The following CAMK2D variants were observed in gnomAD, a reference collection of about 807,000 sequenced individuals.
CAMK2D encodes the protein calcium/calmodulin dependent protein kinase II delta.
A neutral mutation model predicts 84.0 loss-of-function variants in CAMK2D; 37 were observed. The ratio of observed to expected loss-of-function variants is 0.44; its 90% CI spans 0.34 to 0.58. The LOEUF (loss-of-function observed/expected upper bound fraction) is 0.58, where lower values mean the gene tolerates loss of function less well. Ranked by LOEUF, CAMK2D falls within the 20% of genes least tolerant of loss-of-function variation. CAMK2D has a pLI of 0.02. For synonymous variants in CAMK2D, 202 were observed against 212.5 expected (o/e 0.95, Z 0.43); for missense variants, 448 against 652.5 (o/e 0.69, Z 3.41).
chr4:113,497,093 C>A (rs1489247400), intron 16 of CAMK2D, among the ~76,000 whole-genome samples: 1 of 147,692 alleles, frequency 6.8e-6, no homozygotes, highest in African/African-American at 2.5e-5. Context: ...TTGGGTCTCA[C>A]TTTTTTCCTG....
intron 4 of CAMK2D, among the ~76,000 whole-genome samples, chr4:113,586,051 T>C (rs2098832924): frequency 6.6e-6 from 1 of 152,194 alleles, no homozygotes; most frequent in Non-Finnish European, 1.5e-5. Context: ...AATTTGTTTT[T>C]TGTTTCACTT....
chr4:113,660,793 CTTT>C (rs551244067), intron 3 of CAMK2D, among the ~76,000 whole-genome samples: 7 of 129,458 alleles, frequency 5.4e-5, no homozygotes, highest in Non-Finnish European at 3.3e-5. Flanking sequence ...CTGAACAATT[CTTT>C]TTTTTTTTTT....
intron 3 of CAMK2D, among the ~76,000 whole-genome samples, chr4:113,634,975 C>T (rs867925606): frequency 2.6e-5 from 4 of 152,122 alleles, no homozygotes; most frequent in Admixed American, 2.6e-4. Context: ...CCAGCTCAAC[C>T]CTGAAATATC....
intron 2 of CAMK2D, among the ~76,000 whole-genome samples, chr4:113,745,590 A>G (rs1289157385): frequency 5.3e-5 from 8 of 152,208 alleles, no homozygotes; most frequent in Admixed American, 3.9e-4. Context: ...TATCTTTTAG[A>G]TAAAATGTTA....
At chr4:113,657,911 G>T (rs368115816) in intron 3 of CAMK2D, among the ~76,000 whole-genome samples, 1 of 152,084 alleles carries the variant, frequency 6.6e-6, no homozygotes, top group African/African-American at 2.4e-5. Context: ...ATAAAATAGA[G>T]AACAGGGAGA....
At chr4:113,750,040 C>T (rs1280540465) in intron 2 of CAMK2D, among the ~76,000 whole-genome samples, 1 of 152,212 alleles carries the variant, frequency 6.6e-6, no homozygotes, top group Non-Finnish European at 1.5e-5. Flanking sequence ...ATATTAATTA[C>T]TGTGCCAGGC....
chr4:113,705,072 T>C (rs1405235132), intron 2 of CAMK2D, among the ~76,000 whole-genome samples: 1 of 150,850 alleles, frequency 6.6e-6, no homozygotes, highest in Admixed American at 6.6e-5. Context: ...CCAGGCACGG[T>C]GGCTCACGCC....
rs57508949 is a variant in CAMK2D at position 113,551,228 on chromosome 4, T to C, written c.341+803A>G. Among the ~76,000 whole-genome samples the C allele has an allele frequency of 4.9e-3, 752 of 152,294 alleles. 7 individuals are homozygous for C. The highest frequency in any genetic ancestry group is 0.017 in the African/African-American group (704 of 41,566). On this transcript the variant is annotated intron_variant, in intron 5 of 20. Transcript: ENST00000511664. ...CAGTAACATCTAAGCAAGTGGTTAA[T>C]GTTACTCCACTCCAAAAGTGTTGCC...
At chr4:113,460,544 C>T (rs545384934) in intron 17 of CAMK2D, among the ~76,000 whole-genome samples, 63 of 151,892 alleles carry the variant, frequency 4.1e-4, no homozygotes, top group Non-Finnish European at 8.2e-4. Flanking sequence ...GGTGAATTTT[C>T]CAGTTTTTCT....
chr4:113,533,793 A>T (rs1472364889), intron 7 of CAMK2D, among the ~76,000 whole-genome samples: 1 of 151,954 alleles, frequency 6.6e-6, no homozygotes, highest in Non-Finnish European at 1.5e-5. Context: ...AAGTATAGTG[A>T]CAGGGTGTTT....
At chr4:113,559,678 T>A (rs1044915979) in intron 4 of CAMK2D, among the ~76,000 whole-genome samples, 2 of 152,272 alleles carry the variant, frequency 1.3e-5, no homozygotes, top group African/African-American at 4.8e-5. Context: ...CACAGTTAAA[T>A]TGTGTTTCAC....
At chr4:113,588,262 T>A (rs543191991) in intron 4 of CAMK2D, among the ~76,000 whole-genome samples, 1 of 152,298 alleles carries the variant, frequency 6.6e-6, no homozygotes, top group African/African-American at 2.4e-5. Flanking sequence ...TATCCTACTT[T>A]ACTTGCTGGC....
At chr4:113,511,122 C>T (rs1301411512) in intron 12 of CAMK2D, among the ~76,000 whole-genome samples, 2 of 151,946 alleles carry the variant, frequency 1.3e-5, no homozygotes, top group Admixed American at 6.6e-5. Flanking sequence ...AAATACATTC[C>T]ACATAAAGGG....
intron 4 of CAMK2D, among the ~76,000 whole-genome samples, chr4:113,560,106 TGCTTACAAA>T (rs2098691019): frequency 6.6e-6 from 1 of 152,098 alleles, no homozygotes; most frequent in Non-Finnish European, 1.5e-5. Context: ...AGTGTGTAGA[TGCTTACAAA>T]GGAAGGGCTC....
chr4:113,646,396 C>T (rs2099152247), intron 3 of CAMK2D, among the ~76,000 whole-genome samples: 4 of 152,158 alleles, frequency 2.6e-5, no homozygotes, highest in Admixed American at 2.6e-4. Context: ...ACAATCAAAT[C>T]AACAAGTAAA....
At chr4:113,456,660 A>T (rs905491174) in intron 19 of CAMK2D, 1 of 152,366 alleles carries the variant, frequency 6.6e-6, no homozygotes, top group African/African-American at 2.4e-5. Flanking sequence ...CTGTATTCTG[A>T]AGTTGATGAT....
At chr4:113,642,897 A>G (rs2099138064) in intron 3 of CAMK2D, among the ~76,000 whole-genome samples, 1 of 152,154 alleles carries the variant, frequency 6.6e-6, no homozygotes, top group Non-Finnish European at 1.5e-5. Context: ...TTGCAATAAG[A>G]GTTTGGGCAG....
intron 3 of CAMK2D, among the ~76,000 whole-genome samples, chr4:113,655,950 T>C (rs2099198013): frequency 6.6e-6 from 1 of 152,136 alleles, no homozygotes; most frequent in Admixed American, 6.6e-5. Flanking sequence ...ACAGTATGAA[T>C]ATCAAATAAT....
At chr4:113,482,984 A>G (rs1294858482) in intron 16 of CAMK2D, among the ~76,000 whole-genome samples, 1 of 152,240 alleles carries the variant, frequency 6.6e-6, no homozygotes, top group Non-Finnish European at 1.5e-5. Flanking sequence ...ACGTTGGCCA[A>G]GGGAAAAATG....
Sources: allele counts gnomAD v4.1 joint callset (sites outside exome capture counted in the v4.1 genomes callset), GRCh38; gene constraint gnomAD v4.1.1; transcripts MANE v1.5; gene names NCBI Gene and HGNC (gene_info 2026-07-23, HGNC 2026-07-21).